FREM1: variants seen among roughly 807,000 people sequenced by gnomAD.
FREM1 encodes FRAS1 related extracellular matrix 1.
A neutral mutation model predicts 210.1 loss-of-function variants in FREM1; 220 were observed. The ratio of observed to expected loss-of-function variants is 1.05; its 90% CI spans 0.94 to 1.17. The LOEUF (loss-of-function observed/expected upper bound fraction) is 1.17. FREM1 is among the 50% of genes most tolerant of loss of function. The probability of loss-of-function intolerance (pLI) is 0.00; values close to 1 mark genes in which losing one functional copy is unlikely to be tolerated. For synonymous variants in FREM1, 1,189 were observed against 980.2 expected (o/e 1.21, Z -3.98); for missense variants, 3,454 against 2,675.5 (o/e 1.29, Z -6.42).
In FREM1 at chr9:14,825,547, G is replaced by GTATA. The variant is rs372128983; in HGVS notation, c.1882-559_1882-556dup. On this transcript the variant is annotated intron_variant, in intron 10 of 36. Coordinates refer to ENST00000380880, the MANE Select transcript of FREM1 (RefSeq NM_001379081.2). ...CATATATATATATATGTGTGTGTGT[G>GTATA]TATATATATATATATATATATATAC... Among the ~76,000 whole-genome samples the GTATA allele has an allele frequency of 4.1e-3, 315 of 75,906 alleles. 6 individuals are homozygous for GTATA. Among genetic ancestry groups the GTATA allele is most frequent in the East Asian group, 7.7e-3 (25 of 3,266 alleles). The allele number at this position is 75,906 out of a possible 152,430, so 49.8% of individuals were successfully genotyped here.
chr9:14,836,018 G>C lies in FREM1; in HGVS notation c.1881+5429C>G, dbSNP rs1302686134. On this transcript the variant is annotated intron_variant, in intron 10 of 36. Transcript: ENST00000380880. The surrounding 1 kb of genome is among the most constrained non-coding windows in gnomAD (Gnocchi z 4.9). The stretch of plus-strand genomic sequence containing the variant: ...CGTCAAAATGTGAATCAATATGCTA[G>C]TTCTGGGCAATTATCTTGCAACTTC... Among the ~76,000 whole-genome samples the C allele has an allele frequency of 6.6e-6, 1 of 152,222 alleles. No homozygotes were observed. Among genetic ancestry groups the C allele is most frequent in the Non-Finnish European group, 1.5e-5 (1 of 68,038 alleles).
chr9:14,772,094 T>C (rs1847668296), intron 25 of FREM1, among the ~76,000 whole-genome samples: 1 of 151,660 alleles, frequency 6.6e-6, no homozygotes, highest in Non-Finnish European at 1.5e-5. Context: ...CCTCTCAAAT[T>C]GGCAAGATTC....
In FREM1 at chr9:14,869,489, C is replaced by A. The variant is rs140348869; in HGVS notation, c.-267-245G>T. Among the ~76,000 whole-genome samples the A allele has an allele frequency of 4.0e-3, 606 of 152,326 alleles. 4 individuals are homozygous for A. Among genetic ancestry groups the A allele is most frequent in the African/African-American group, 0.014 (572 of 41,578 alleles). ...GCTTCCGGACTTGACATATCCCAAC[C>A]GGGATGTCAACTGTGTGGTCCAGGA... On this transcript the variant is annotated intron_variant, in intron 1 of 36. Transcript: ENST00000380880.
intron 10 of FREM1, among the ~76,000 whole-genome samples, chr9:14,837,586 T>C (rs1299577495): frequency 1.3e-5 from 2 of 152,202 alleles, no homozygotes; most frequent in Non-Finnish European, 2.9e-5. Context: ...GAAAATGGTC[T>C]CTTTGAAGGC....
chr9:14,748,755 C>A, intron 30 of FREM1, 116 bp from the exon 31 acceptor site: 1 of 680,558 alleles, frequency 1.5e-6, no homozygotes, highest in Non-Finnish European at 2.5e-6. Context: ...GGTTTTCCCA[C>A]CAGATGTTGC....
chr9:14,746,965 C>T lies in FREM1; in HGVS notation c.6096G>A (p.Gln2032=). ...HFEEGIQKLY[Q]CNGIAWKAWS... Reference sequence around the variant, plus strand: ...AGGCTTTCCAGGCGATCCCATTGCACTGATACAGCTTCTGGATGCCTTCTT... The same window carrying T: ...AGGCTTTCCAGGCGATCCCATTGCATTGATACAGCTTCTGGATGCCTTCTT... Residue 2032 remains glutamine (Q), a synonymous_variant, in exon 34 of 37, where the codon CAG becomes CAA. Coordinates refer to ENST00000380880, the MANE Select transcript of FREM1 (RefSeq NM_001379081.2). The T allele has an allele frequency of 1.2e-6, 2 of 1,613,386 alleles. No individual in the cohort carries two copies. Among genetic ancestry groups the T allele is most frequent in the Non-Finnish European group, 1.7e-6 (2 of 1,179,668 alleles).
intron 29 of FREM1, among the ~76,000 whole-genome samples, chr9:14,753,301 AT>A (rs963954684): frequency 2.0e-5 from 3 of 152,178 alleles, no homozygotes; most frequent in Admixed American, 2.0e-4. Context: ...TTTTCTCAAT[AT>A]TTTTTAGTAA....
chr9:14,751,105 G>A, intron 29 of FREM1, among the ~76,000 whole-genome samples: 1 of 152,108 alleles, frequency 6.6e-6, no homozygotes. Context: ...TCTATGATGT[G>A]GATCATAGGA....
chr9:14,789,261 AT>A (rs530561474), intron 22 of FREM1, 147 bp from the exon 23 acceptor site: 65 of 532,934 alleles, frequency 1.2e-4, no homozygotes, highest in Middle Eastern at 4.9e-4. Flanking sequence ...ACTTTACCTG[AT>A]TTTTTTTTCT....
chr9:14,737,326 G>T lies in FREM1; in HGVS notation c.*70C>A. ...ATCATAACAATTTGTTTTCTATGGA[G>T]CAATATTCACAGATCCTGTGAATAA... On this transcript the variant is annotated 3_prime_UTR_variant, in exon 37 of 37. Transcript: ENST00000380880. 8.6e-7 allele frequency: 1 copy of T among 1,169,050 alleles called. No individual in the cohort carries two copies. Among genetic ancestry groups the T allele is most frequent in the Non-Finnish European group, 1.2e-6 (1 of 809,148 alleles). 72.4% of individuals were successfully genotyped at this position (1,169,050 alleles called of 1,614,324 possible).
intron 10 of FREM1, among the ~76,000 whole-genome samples, chr9:14,835,335 A>G (rs1296132687): frequency 6.6e-6 from 1 of 152,176 alleles, no homozygotes; most frequent in African/African-American, 2.4e-5. Flanking sequence ...GACTATCTGT[A>G]AGTACTCTTA....
rs191469938 is a variant in FREM1, at chr9:14,800,021, C to G, written c.3694+1631G>C. On this transcript the variant is annotated intron_variant, in intron 20 of 36. Coordinates refer to ENST00000380880, the MANE Select transcript of FREM1 (RefSeq NM_001379081.2). ...GTCCATGTGTTCTCATTGTTCAATT[C>G]CCAACTATGAGTGAGAACATGCAGT... Among the ~76,000 whole-genome samples, 133 of 142,028 alleles carry G rather than the reference C, an allele frequency of 9.4e-4. 1 individual carries two copies. The East Asian group carries it at 0.02, about 22-fold the overall frequency. The allele number at this position is 142,028 out of a possible 152,430, so 93.2% of individuals were successfully genotyped here. A position where few individuals can be genotyped will look rare whatever the true frequency, so the allele number is the denominator to read the frequency against.
At chr9:14,756,206 C>T (rs887822841) in intron 29 of FREM1, among the ~76,000 whole-genome samples, 168 bp downstream of exon 29, 17 of 151,976 alleles carry the variant, frequency 1.1e-4, no homozygotes, top group Non-Finnish European at 2.4e-4. Context: ...AAGGGCAAAA[C>T]CTCAAATCCA....
rs372633904 is a variant in FREM1, at chr9:14,770,596, G to A, written c.5059+9C>T. On this transcript the variant is annotated intron_variant, in intron 26 of 36. Coordinates refer to ENST00000380880, the MANE Select transcript of FREM1 (RefSeq NM_001379081.2). Reference sequence around the variant, plus strand: ...AAATGGCAATTGTAAGGATTAAGGAGGCCAGTACCTGTTGTTGTGTTCTCC... The same window carrying A: ...AAATGGCAATTGTAAGGATTAAGGAAGCCAGTACCTGTTGTTGTGTTCTCC... 22 of 1,601,626 alleles carry A rather than the reference G, an allele frequency of 1.4e-5. No homozygotes were observed. Among genetic ancestry groups the A allele is most frequent in the Non-Finnish European group, 1.9e-5 (22 of 1,169,398 alleles).
chr9:14,865,387 G>C (rs1017409058), intron 2 of FREM1, among the ~76,000 whole-genome samples: 1 of 152,084 alleles, frequency 6.6e-6, no homozygotes, highest in African/African-American at 2.4e-5. Context: ...ATATCAAGAG[G>C]GTTATCTGAA....
intron 21 of FREM1, among the ~76,000 whole-genome samples, chr9:14,794,619 A>T (rs1298749942): frequency 6.6e-6 from 1 of 152,348 alleles, no homozygotes; most frequent in South Asian, 2.1e-4. Flanking sequence ...ATGGTGTTAC[A>T]TGCTCTCAAA....
In FREM1 at chr9:14,873,879, G is replaced by A. The variant is rs949991524; in HGVS notation, c.-267-4635C>T. Among the ~76,000 whole-genome samples the A allele has an allele frequency of 8.9e-4, 136 of 152,136 alleles. 1 individual carries two copies. The highest frequency in any genetic ancestry group is 4.5e-3 in the Admixed American group (68 of 15,280). On this transcript the variant is annotated intron_variant, in intron 1 of 36. Transcript: ENST00000380880. The stretch of plus-strand genomic sequence containing the variant: ...TCTGGTATGTTTTGTCTTTGTTCTC[G>A]TTGGTTTCAAAGAACATCTTTATTT...
chr9:14,753,922 A>C (rs1014003671), intron 29 of FREM1, among the ~76,000 whole-genome samples: 9 of 152,184 alleles, frequency 5.9e-5, no homozygotes, highest in Non-Finnish European at 1.0e-4. Context: ...ATAATATCTA[A>C]AATCATAAGA....
At chr9:14,840,780 A>T (rs1271000117) in intron 10 of FREM1, among the ~76,000 whole-genome samples, 1 of 152,126 alleles carries the variant, frequency 6.6e-6, no homozygotes, top group Non-Finnish European at 1.5e-5. Flanking sequence ...AGTCTACTCT[A>T]TTATAGTTGT....
Sources: gnomAD v4.1 joint callset for allele counts (sites outside exome capture counted in the v4.1 genomes callset) on GRCh38, gnomAD v4.1.1 for gene constraint, Gnocchi (gnomAD v3.1) non-coding constraint, MANE v1.5 for transcripts, NCBI Gene and HGNC (gene_info 2026-07-23, HGNC 2026-07-21) for gene names.